COL26A1: variants seen among roughly 807,000 people sequenced by gnomAD.
The protein encoded by COL26A1 is collagen type XXVI alpha 1 chain, also known as collagen alpha-1(XXVI) chain.
Under a neutral mutation model 59.3 loss-of-function variants are expected in COL26A1, and 41 were observed. The observed-to-expected ratio is 0.69, with a 90% confidence interval of 0.54 to 0.90. COL26A1 has a LOEUF of 0.90. Among genes scored for constraint, COL26A1 ranks in the 40% least tolerant of loss-of-function variants. COL26A1 has a pLI of 0.00. For missense variants in COL26A1, 612 were observed against 602.3 expected (o/e 1.02, Z -0.17); for synonymous variants, 266 against 256.0 (o/e 1.04, Z -0.37).
At chr7:101,496,537 G>A (rs773212760) in intron 3 of COL26A1, among the ~76,000 whole-genome samples, 5 of 152,102 alleles carry the variant, frequency 3.3e-5, no homozygotes, top group South Asian at 2.1e-4. Flanking sequence ...TGTGTTCTAC[G>A]CTCATCCTCT....
chr7:101,415,810 T>C (rs977339961), intron 1 of COL26A1, among the ~76,000 whole-genome samples: 7 of 152,012 alleles, frequency 4.6e-5, no homozygotes, highest in African/African-American at 1.7e-4. Flanking sequence ...TTACTTTTTA[T>C]TGTATAGAGA....
chr7:101,375,989 G>GAAAAAA (rs35433251), intron 1 of COL26A1, among the ~76,000 whole-genome samples: 1 of 122,796 alleles, frequency 8.1e-6, no homozygotes, highest in Admixed American at 8.4e-5. Context: ...CCATCTCAAA[G>GAAAAAA]AAAAAAAAAA....
chr7:101,461,869 CAGGGGTTGCCGGT>C (rs897397459), intron 3 of COL26A1, among the ~76,000 whole-genome samples: 1 of 152,098 alleles, frequency 6.6e-6, no homozygotes, highest in African/African-American at 2.4e-5. Context: ...CAGTGGCTGG[CAGGGGTTGCCGGT>C]CCACTCCAGC....
chr7:101,547,198 T>C lies in COL26A1; in HGVS notation c.899T>C (p.Leu300Pro). Residue 300 changes from leucine (L) to proline (P), a missense_variant, in exon 8 of 13, where the codon CTG (leucine) becomes CCG (proline). By Grantham distance (98) the Leu-to-Pro change is moderately conservative. Transcript: ENST00000313669. Reference protein sequence around the residue: ...RLASAIVDTVLAGVPGPRGPP... With the variant: ...RLASAIVDTVPAGVPGPRGPP... ...GCCTCTGCCATCGTGGACACAGTGC[T>C]GGCAGGTGTCCCAGGACCCCGGGGT... 6.3e-7 allele frequency: 1 copy of C among 1,597,384 alleles called. No individual in the cohort carries two copies. Among genetic ancestry groups the C allele is most frequent in the Middle Eastern group, 1.7e-4 (1 of 6,018 alleles).
chr7:101,490,183 G>A (rs1349174051), intron 3 of COL26A1, among the ~76,000 whole-genome samples: 2 of 151,496 alleles, frequency 1.3e-5, no homozygotes, highest in African/African-American at 2.4e-5. Flanking sequence ...TGATCTGCCC[G>A]CCTCGGACTC....
In COL26A1 at chr7:101,544,787, C is replaced by A. The variant is rs368059405; in HGVS notation, c.704-551C>A. 9.2e-5 allele frequency among the ~76,000 whole-genome samples: 14 copies of A among 152,314 alleles called. No homozygotes were observed. The South Asian group carries it at 2.5e-3, about 27-fold the overall frequency. Reference sequence around the variant, plus strand: ...ACCTCAGGTGACCTGCCTGCCTTGGCCTCCCAAAGTGCTGGGATTACAGGG... The same window carrying A: ...ACCTCAGGTGACCTGCCTGCCTTGGACTCCCAAAGTGCTGGGATTACAGGG... On this transcript the variant is annotated intron_variant, in intron 6 of 12. Transcript: ENST00000313669.
At chr7:101,527,865 G>A (rs1309139478) in intron 3 of COL26A1, among the ~76,000 whole-genome samples, 2 of 152,140 alleles carry the variant, frequency 1.3e-5, no homozygotes. Flanking sequence ...CGACCACATC[G>A]TAGAGTAGTT....
intron 3 of COL26A1, among the ~76,000 whole-genome samples, chr7:101,522,696 G>A (rs931283917): frequency 3.9e-5 from 6 of 152,054 alleles, no homozygotes; most frequent in Admixed American, 6.6e-5. Flanking sequence ...GTCATAGAGC[G>A]GGCTTATATT....
chr7:101,533,171 G>A (rs1307026478), intron 4 of COL26A1, 28 bp downstream of exon 4: 1 of 1,565,272 alleles, frequency 6.4e-7, no homozygotes, highest in Non-Finnish European at 8.7e-7. Flanking sequence ...GTCTGGGCCT[G>A]GGGAGCTGCC....
intron 1 of COL26A1, among the ~76,000 whole-genome samples, chr7:101,400,134 C>T (rs926273264): frequency 5.9e-5 from 9 of 151,952 alleles, no homozygotes; most frequent in East Asian, 1.9e-4. Flanking sequence ...ATGTGGAAGA[C>T]GAGTAGGTGG....
In COL26A1 at chr7:101,555,858, G is replaced by T. The variant is rs1331422876; in HGVS notation, c.1152G>T (p.Met384Ile). The T allele has an allele frequency of 6.2e-7, 1 of 1,609,644 alleles. No individual in the cohort carries two copies. The highest frequency in any genetic ancestry group is 1.1e-5 in the South Asian group (1 of 89,662). ...LAERVLILEH[M>I]IGIHDPLASP... The stretch of plus-strand genomic sequence containing the variant: ...AGCGAGTCCTCATCCTGGAGCACAT[G>T]ATTGGGATCCACGGTGAGCAGTGAC... The change falls in exon 12 of 13, where the codon ATG becomes ATT. Residue 384 changes from methionine to isoleucine, a missense_variant. By Grantham distance (10) the Met-to-Ile change is conservative. Coordinates refer to ENST00000313669, the MANE Select transcript of COL26A1 (RefSeq NM_001278563.3).
At chr7:101,417,628 A>G (rs534848101) in intron 1 of COL26A1, among the ~76,000 whole-genome samples, 8 of 38,704 alleles carry the variant, frequency 2.1e-4, no homozygotes, top group African/African-American at 3.5e-4. Flanking sequence ...AGACATAGAT[A>G]TAGAGATATA....
intron 1 of COL26A1, among the ~76,000 whole-genome samples, chr7:101,369,976 C>A (rs1230332214): frequency 6.6e-6 from 1 of 152,134 alleles, no homozygotes; most frequent in African/African-American, 2.4e-5. Context: ...GATTCTCCTG[C>A]TTCAGCCTCC....
In COL26A1 at chr7:101,557,373, C is replaced by G. The variant is rs745364304; in HGVS notation, c.1169C>G (p.Pro390Arg). ...ILEHMIGIHD[P>R]LASPEGGSGQ... is the part of the protein sequence containing the mutation. ...CACCCTCCTGCTCTCCTTCCAGATC[C>G]CCTGGCCTCCCCAGAGGGAGGTTCT... The change falls in exon 13 of 13, where the codon CCC (proline) becomes CGC (arginine). Residue 390 changes from proline (P) to arginine (R), a missense_variant. Pro to Arg is a moderately radical substitution (Grantham distance 103). Transcript: ENST00000313669. The G allele has an allele frequency of 1.2e-6, 2 of 1,612,346 alleles. No individual in the cohort carries two copies. Among genetic ancestry groups the G allele is most frequent in the East Asian group, 4.5e-5 (2 of 44,838 alleles).
chr7:101,548,871 C>T (rs1007235975), intron 8 of COL26A1, among the ~76,000 whole-genome samples: 2 of 152,088 alleles, frequency 1.3e-5, no homozygotes, highest in Non-Finnish European at 2.9e-5. Context: ...CTGGCTGGGG[C>T]GTGGGAGCAG....
chr7:101,523,478 A>G (rs1475715696), intron 3 of COL26A1, among the ~76,000 whole-genome samples: 1 of 152,174 alleles, frequency 6.6e-6, no homozygotes, highest in Non-Finnish European at 1.5e-5. Context: ...GTAGTCACCT[A>G]TGTTTTCTTC....
At chr7:101,373,257 G>A (rs896189192) in intron 1 of COL26A1, among the ~76,000 whole-genome samples, 1 of 152,174 alleles carries the variant, frequency 6.6e-6, no homozygotes, top group Non-Finnish European at 1.5e-5. Flanking sequence ...TCACGGATAG[G>A]CAGAGACAGG....
intron 1 of COL26A1, among the ~76,000 whole-genome samples, chr7:101,418,323 C>T (rs1792427364): frequency 6.6e-6 from 1 of 152,114 alleles, no homozygotes; most frequent in Non-Finnish European, 1.5e-5. Flanking sequence ...CTCCTAGCTT[C>T]AGCCCCGGTC....
At chr7:101,502,561 A>G (rs2130562760) in intron 3 of COL26A1, among the ~76,000 whole-genome samples, 1 of 152,344 alleles carries the variant, frequency 6.6e-6, no homozygotes, top group East Asian at 1.9e-4. Context: ...AAGGCCCCTC[A>G]GGGACTGGCA....
Sources: allele counts gnomAD v4.1 joint callset (sites outside exome capture counted in the v4.1 genomes callset), GRCh38; gene constraint gnomAD v4.1.1; transcripts MANE v1.5; gene names NCBI Gene and HGNC (gene_info 2026-07-23, HGNC 2026-07-21).